ABLIM1: variants seen among roughly 807,000 people sequenced by gnomAD.
The protein encoded by ABLIM1 is actin binding LIM protein 1, also known as actin-binding LIM protein 1.
Under a neutral mutation model 107.0 loss-of-function variants are expected in ABLIM1, and 40 were observed. The ratio of observed to expected loss-of-function variants is 0.37; its 90% CI spans 0.29 to 0.49. The LOEUF is 0.49. ABLIM1 is among the 20% of genes least tolerant of loss of function. ABLIM1 has a pLI of 0.97. For synonymous variants in ABLIM1, 357 were observed against 357.3 expected (o/e 1.00, Z 0.01); for missense variants, 857 against 1,008.5 (o/e 0.85, Z 2.04).
chr10:114,533,603 T>G (rs2065671442), intron 6 of ABLIM1, among the ~76,000 whole-genome samples: 1 of 152,178 alleles, frequency 6.6e-6, no homozygotes, highest in South Asian at 2.1e-4. Flanking sequence ...ACTCAGGACA[T>G]TTACTGTGTA....
chr10:114,439,239 A>G lies in ABLIM1; in HGVS notation c.2079T>C (p.Asp693=), dbSNP rs2059857410. The part of the protein sequence containing the change: ...GGVRDYQTLP[D]GHMPAMRMDR... ...CCATTCTCATTGCAGGCATGTGGCC[A>G]TCTGGGAGTGTCTGCAACAGAAATG... Residue 693 remains aspartate (D), a synonymous_variant, in exon 21 of 23, where the codon GAT becomes GAC. Coordinates refer to ENST00000533213, the MANE Select transcript of ABLIM1 (RefSeq NM_002313.7). 1.9e-6 allele frequency: 3 copies of G among 1,614,122 alleles called. No individual in the cohort carries two copies. Among genetic ancestry groups the G allele is most frequent in the Non-Finnish European group, 2.5e-6 (3 of 1,180,046 alleles).
intron 1 of ABLIM1, among the ~76,000 whole-genome samples, chr10:114,760,910 T>A (rs962457406): frequency 1.1e-4 from 17 of 152,214 alleles, no homozygotes; most frequent in Non-Finnish European, 1.5e-4. Context: ...TTTTGCTGTT[T>A]TGATATTAAA....
At chr10:114,490,690 CCTCT>C (rs1358086895) in intron 7 of ABLIM1, among the ~76,000 whole-genome samples, 3 of 151,608 alleles carry the variant, frequency 2.0e-5, no homozygotes, top group East Asian at 1.9e-4. Flanking sequence ...TCTCTCAAAG[CCTCT>C]CTGAGAAGTT....
chr10:114,491,046 A>G (rs113649869), intron 7 of ABLIM1, among the ~76,000 whole-genome samples: 2 of 141,658 alleles, frequency 1.4e-5, no homozygotes, highest in Admixed American at 7.3e-5. Flanking sequence ...ATATATATAT[A>G]TAAAATAGAG....
intron 1 of ABLIM1, among the ~76,000 whole-genome samples, chr10:114,750,665 T>G (rs1453592800): frequency 6.6e-6 from 1 of 152,250 alleles, no homozygotes; most frequent in African/African-American, 2.4e-5. Flanking sequence ...GTCCACTCAA[T>G]GCCATCCCTT....
intron 4 of ABLIM1, among the ~76,000 whole-genome samples, chr10:114,549,768 C>T (rs1337622640): frequency 6.6e-6 from 1 of 152,124 alleles, no homozygotes; most frequent in Non-Finnish European, 1.5e-5. Flanking sequence ...TAATGGAATA[C>T]TATGGGCTGT....
chr10:114,454,434 G>T (rs111360739), intron 12 of ABLIM1, among the ~76,000 whole-genome samples: 2,176 of 152,262 alleles, frequency 0.014, 53 homozygotes, highest in African/African-American at 0.05. Flanking sequence ...TGAATGGGAG[G>T]GTGGGAAGCC....
At chr10:114,720,415 T>C (rs2081813850) in intron 1 of ABLIM1, among the ~76,000 whole-genome samples, 1 of 152,188 alleles carries the variant, frequency 6.6e-6, no homozygotes, top group Non-Finnish European at 1.5e-5. Flanking sequence ...AGTCAAATGG[T>C]ATTTCTGGTT....
intron 6 of ABLIM1, 36 bp downstream of exon 6, chr10:114,544,969 T>C (rs1449581208): frequency 8.8e-6 from 14 of 1,592,986 alleles, no homozygotes; most frequent in Admixed American, 1.7e-5. Flanking sequence ...CTGAGAAAGA[T>C]GGCGGTAGCT....
At chr10:114,702,347 G>C (rs1175785373) in intron 1 of ABLIM1, among the ~76,000 whole-genome samples, 1 of 152,096 alleles carries the variant, frequency 6.6e-6, no homozygotes, top group African/African-American at 2.4e-5. Flanking sequence ...ATTTTAATGA[G>C]ATGAATGAAA....
Position 114,676,370 on chromosome 10 carries a change from G to A in ABLIM1, c.64+7920C>T, listed in dbSNP as rs141842865. On this transcript the variant is annotated intron_variant, in intron 1 of 23. Coordinates refer to the ABLIM1 transcript ENST00000369256. The stretch of plus-strand genomic sequence containing the variant: ...TGCGTGACTGTAATCCCAGCTACTC[G>A]GGAGGCTGAGGCAGGAGAATGGCTT... 4.1e-3 allele frequency among the ~76,000 whole-genome samples: 625 copies of A among 152,052 alleles called. 5 individuals carry two copies. Among genetic ancestry groups the A allele is most frequent in the Non-Finnish European group, 6.9e-3 (472 of 67,994 alleles).
chr10:114,734,557 C>G (rs981715060), intron 1 of ABLIM1, among the ~76,000 whole-genome samples: 1 of 152,250 alleles, frequency 6.6e-6, no homozygotes, highest in African/African-American at 2.4e-5. Context: ...CCCACCTCAC[C>G]CTCTGTTTTC....
rs572496828 is a variant in ABLIM1, at chr10:114,751,680, G to A, written c.-213+16381C>T. 2.0e-5 allele frequency among the ~76,000 whole-genome samples: 3 copies of A among 150,560 alleles called. No individual in the cohort carries two copies. In the South Asian group the frequency reaches 6.3e-4, roughly 32 times the overall value. ...CAGTTGAGTCACCTGAACCCAGGAA[G>A]TGGAGGTTGCAGTGAGCCAAGATTA... On this transcript the variant is annotated intron_variant, in intron 1 of 15. Coordinates refer to the ABLIM1 transcript ENST00000651092.
intron 1 of ABLIM1, chr10:114,632,068 G>C (rs1201759085): frequency 1.0e-6 from 1 of 985,262 alleles, no homozygotes; most frequent in Non-Finnish European, 1.2e-6. Flanking sequence ...CTGTGGTCTC[G>C]AGTCCCGCCC....
chr10:114,462,525 A>ATGAC (rs1354755180), intron 12 of ABLIM1, among the ~76,000 whole-genome samples: 1 of 152,180 alleles, frequency 6.6e-6, no homozygotes. Context: ...AAATCAAAAG[A>ATGAC]TGACTGCTCT....
At chr10:114,503,006 G>A (rs190516740) in intron 6 of ABLIM1, among the ~76,000 whole-genome samples, 7 of 152,248 alleles carry the variant, frequency 4.6e-5, no homozygotes, top group Middle Eastern at 3.4e-3. Flanking sequence ...ATCAATAGAA[G>A]CAAATATGTC....
intron 6 of ABLIM1, among the ~76,000 whole-genome samples, chr10:114,540,175 C>A (rs1275255626): frequency 2.6e-5 from 4 of 152,146 alleles, no homozygotes; most frequent in Admixed American, 2.6e-4. Context: ...CTGAGTGTTA[C>A]GTGCTGGTTT....
intron 1 of ABLIM1, among the ~76,000 whole-genome samples, chr10:114,727,740 A>C (rs1305769406): frequency 6.6e-6 from 1 of 152,168 alleles, no homozygotes; most frequent in Non-Finnish European, 1.5e-5. Flanking sequence ...AGATCACTTG[A>C]GCCCAGGGGT....
chr10:114,744,278 A>G (rs1274188617), intron 1 of ABLIM1, among the ~76,000 whole-genome samples: 2 of 152,216 alleles, frequency 1.3e-5, no homozygotes, highest in African/African-American at 2.4e-5. Context: ...CTCAGGCTCT[A>G]TTCTATCTCT....
Sources: gnomAD v4.1 joint callset for allele counts (sites outside exome capture counted in the v4.1 genomes callset) on GRCh38, gnomAD v4.1.1 for gene constraint, MANE v1.5 for transcripts, NCBI Gene and HGNC (gene_info 2026-07-23, HGNC 2026-07-21) for gene names.